GREM2: variants seen among roughly 807,000 people sequenced by gnomAD.
The protein encoded by GREM2 is gremlin-2.
In GREM2, 11 loss-of-function variants were observed where a neutral mutation model predicts 14.2. The ratio of observed to expected loss-of-function variants is 0.78; its 90% CI spans 0.49 to 1.28. GREM2 has a LOEUF of 1.28. Among genes scored for constraint, GREM2 ranks in the 50% most tolerant of loss-of-function variants. The pLI is 0.00. For missense variants in GREM2, 210 were observed against 218.5 expected (o/e 0.96, Z 0.24); for synonymous variants, 98 against 97.6 (o/e 1.00, Z -0.02).
At chr1:240,495,222 T>C (rs1411602027) in intron 1 of GREM2, among the ~76,000 whole-genome samples, 1 of 152,222 alleles carries the variant, frequency 6.6e-6, no homozygotes, top group East Asian at 1.9e-4. Flanking sequence ...GCTACCAATG[T>C]AGCTGTTACC....
At chr1:240,588,407 C>G (rs1021263120) in intron 1 of GREM2, 1 of 152,270 alleles carries the variant, frequency 6.6e-6, no homozygotes, top group Non-Finnish European at 1.5e-5. Flanking sequence ...ATAGTCAGTT[C>G]GACAGCAGAG....
At position 240,492,945 on chromosome 1, in the gene GREM2, G is replaced by T. The variant is rs761498410; in HGVS notation, c.*24C>A. On this transcript the variant is annotated 3_prime_UTR_variant, in exon 2 of 2. Transcript: ENST00000318160. ...CACCCAGCGGCCGGGCGCGCGCGGG[G>T]CTGAGCTGCGTCCGGCCCGGCGCTC... The T allele has an allele frequency of 6.0e-6, 9 of 1,487,914 alleles. No homozygotes were observed. The African/African-American group carries it at 1.3e-4, about 21-fold the overall frequency. 92.2% of individuals were successfully genotyped at this position (1,487,914 alleles called of 1,614,324 possible).
chr1:240,603,222 A>G (rs1413185799), intron 1 of GREM2, among the ~76,000 whole-genome samples: 4 of 152,222 alleles, frequency 2.6e-5, no homozygotes, highest in East Asian at 1.9e-4. Context: ...GAGCCATTCA[A>G]TTCACTCATC....
At chr1:240,513,474 C>G (rs1303807345) in intron 1 of GREM2, among the ~76,000 whole-genome samples, 1 of 151,058 alleles carries the variant, frequency 6.6e-6, no homozygotes, top group Non-Finnish European at 1.5e-5. Context: ...ACTCGGGAGG[C>G]TGAGGCAAGA....
intron 1 of GREM2, among the ~76,000 whole-genome samples, chr1:240,606,288 A>G (rs1350315183): frequency 6.6e-6 from 1 of 152,248 alleles, no homozygotes; most frequent in Non-Finnish European, 1.5e-5. Context: ...AGATGTAAAC[A>G]TGTTACAAAA....
In GREM2 at chr1:240,502,411, G is replaced by A. The variant is rs140598351; in HGVS notation, c.-1-8935C>T. Among the ~76,000 whole-genome samples the A allele has an allele frequency of 4.2e-4, 64 of 152,134 alleles. 1 individual carries two copies. The highest frequency in any genetic ancestry group is 1.3e-3 in the African/African-American group (56 of 41,500). On this transcript the variant is annotated intron_variant, in intron 1 of 1. Transcript: ENST00000318160. ...TGCTTCACTCTTCCAGTATCTTTTC[G>A]TGATTTTTCTTTCTGTGCTCTCCTC...
chr1:240,605,913 A>C (rs1311581602), intron 1 of GREM2, among the ~76,000 whole-genome samples: 1 of 152,140 alleles, frequency 6.6e-6, no homozygotes, highest in Non-Finnish European at 1.5e-5. Flanking sequence ...ATTTTTAAAA[A>C]ATTAATTGAT....
chr1:240,565,822 G>C (rs945382398), intron 1 of GREM2, among the ~76,000 whole-genome samples: 1 of 150,332 alleles, frequency 6.7e-6, no homozygotes, highest in Non-Finnish European at 1.5e-5. Flanking sequence ...CTCCAGCCTG[G>C]GTGACAGAGT....
At chr1:240,501,963 G>T (rs1018293728) in intron 1 of GREM2, among the ~76,000 whole-genome samples, 1 of 152,058 alleles carries the variant, frequency 6.6e-6, no homozygotes, top group Non-Finnish European at 1.5e-5. Context: ...CAGCCATTAG[G>T]CAGTACCTAA....
chr1:240,531,879 T>C (rs938240795), intron 1 of GREM2, among the ~76,000 whole-genome samples: 2 of 151,738 alleles, frequency 1.3e-5, no homozygotes, highest in Non-Finnish European at 2.9e-5. Context: ...CAGCTAGCTC[T>C]CATTTCTCTT....
At chr1:240,602,067 T>C (rs939952151) in intron 1 of GREM2, among the ~76,000 whole-genome samples, 1 of 152,220 alleles carries the variant, frequency 6.6e-6, no homozygotes, top group Non-Finnish European at 1.5e-5. Context: ...ATATGAAGGA[T>C]ACACTTGTAG....
chr1:240,512,708 T>C (rs1029341899), intron 1 of GREM2, among the ~76,000 whole-genome samples: 3 of 152,372 alleles, frequency 2.0e-5, no homozygotes, highest in Admixed American at 6.5e-5. Context: ...TTAAAAAGTT[T>C]CCAGAATCAT....
intron 1 of GREM2, among the ~76,000 whole-genome samples, chr1:240,514,203 C>T (rs57608983): frequency 7.6e-6 from 1 of 132,446 alleles, no homozygotes; most frequent in Admixed American, 8.6e-5. Flanking sequence ...GCTGAGATTG[C>T]GTCATTATAC....
At chr1:240,514,140 G>A (rs969236659) in intron 1 of GREM2, among the ~76,000 whole-genome samples, 2 of 151,414 alleles carry the variant, frequency 1.3e-5, no homozygotes, top group African/African-American at 4.9e-5. Context: ...CCAGTTACTC[G>A]GGAGGCTGAG....
intron 1 of GREM2, among the ~76,000 whole-genome samples, chr1:240,559,203 T>C (rs985140117): frequency 5.8e-4 from 88 of 152,318 alleles, no homozygotes; most frequent in African/African-American, 2.0e-3. Context: ...TTGGATCTTT[T>C]ACTTAAGCAT....
chr1:240,604,845 T>C (rs979870863), intron 1 of GREM2, among the ~76,000 whole-genome samples: 5 of 152,204 alleles, frequency 3.3e-5, no homozygotes, highest in Admixed American at 3.3e-4. Flanking sequence ...CCCCATCTAA[T>C]TAGGAATAAA....
chr1:240,596,190 C>T (rs1558177777), intron 1 of GREM2, among the ~76,000 whole-genome samples: 1 of 152,092 alleles, frequency 6.6e-6, no homozygotes, highest in Non-Finnish European at 1.5e-5. Flanking sequence ...GATGAAGATC[C>T]TACTTGCTTA....
chr1:240,585,421 G>A (rs772180985), intron 1 of GREM2, among the ~76,000 whole-genome samples: 1 of 152,026 alleles, frequency 6.6e-6, no homozygotes, highest in Non-Finnish European at 1.5e-5. Flanking sequence ...ACAGACTGCA[G>A]TCTCGGGATT....
chr1:240,575,661 C>T (rs1679357675), intron 1 of GREM2, among the ~76,000 whole-genome samples: 1 of 151,952 alleles, frequency 6.6e-6, no homozygotes, highest in South Asian at 2.1e-4. Context: ...GCCGGGATTA[C>T]AGGCGCGCAC....
Sources: allele counts gnomAD v4.1 joint callset (sites outside exome capture counted in the v4.1 genomes callset), GRCh38; gene constraint gnomAD v4.1.1; transcripts MANE v1.5; gene names NCBI Gene and HGNC (gene_info 2026-07-23, HGNC 2026-07-21).